The following NUBPL variants were observed in gnomAD, a reference collection of about 807,000 sequenced individuals.
NUBPL encodes iron-sulfur cluster transfer protein NUBPL.
A neutral mutation model predicts 45.7 loss-of-function variants in NUBPL; 31 were observed. That is an observed-to-expected ratio of 0.68 (90% CI 0.51 to 0.92). NUBPL has a LOEUF of 0.92. Among genes scored for constraint, NUBPL ranks in the 40% least tolerant of loss-of-function variants. The pLI is 0.00. For synonymous variants in NUBPL, 144 were observed against 140.9 expected (o/e 1.02, Z -0.15); for missense variants, 401 against 398.7 (o/e 1.01, Z -0.05).
chr14:31,616,497 G>GTT (rs72526360), intron 4 of NUBPL, among the ~76,000 whole-genome samples: 1,707 of 150,846 alleles, frequency 0.011, 23 homozygotes, highest in African/African-American at 0.037. Flanking sequence ...TGGCTAGCCA[G>GTT]TTTTTTTTTA....
chr14:31,820,023 C>A (rs1201672094), intron 7 of NUBPL, among the ~76,000 whole-genome samples: 1 of 151,558 alleles, frequency 6.6e-6, no homozygotes, highest in Non-Finnish European at 1.5e-5. Context: ...GCCTGTAGTC[C>A]CAGCTACTCA....
chr14:31,678,205 G>A (rs1205274415), intron 6 of NUBPL, among the ~76,000 whole-genome samples: 1 of 152,148 alleles, frequency 6.6e-6, no homozygotes, highest in Non-Finnish European at 1.5e-5. Flanking sequence ...AGGGCAGTGG[G>A]CTCCCCTCTG....
At chr14:31,732,385 CTGTCAAAGA>C (rs530852065) in intron 6 of NUBPL, among the ~76,000 whole-genome samples, 303 of 151,970 alleles carry the variant, frequency 2.0e-3, no homozygotes, top group African/African-American at 6.7e-3. Context: ...TTTTAATACA[CTGTCAAAGA>C]TTTATTGTGC....
At chr14:31,719,175 A>G (rs1177491579) in intron 6 of NUBPL, among the ~76,000 whole-genome samples, 1 of 152,190 alleles carries the variant, frequency 6.6e-6, no homozygotes, top group Non-Finnish European at 1.5e-5. Context: ...ATAGCTGGGA[A>G]CTGATTTGTT....
intron 6 of NUBPL, among the ~76,000 whole-genome samples, chr14:31,761,336 G>A (rs908450925): frequency 7.2e-5 from 11 of 151,936 alleles, no homozygotes; most frequent in East Asian, 3.9e-4. Context: ...CACCATGCGC[G>A]GCTAATTTTC....
chr14:31,856,212 G>A lies in NUBPL; in HGVS notation c.898-2906G>A, dbSNP rs570145926. On this transcript the variant is annotated intron_variant, in intron 10 of 10. Transcript: ENST00000281081. Reference sequence around the variant, plus strand: ...TCATGTCTTACATGGATGGCGGCAGGCAAAAAGAGAGCTTGTGCAAGTAGA... The same window carrying A: ...TCATGTCTTACATGGATGGCGGCAGACAAAAAGAGAGCTTGTGCAAGTAGA... 1.0e-3 allele frequency among the ~76,000 whole-genome samples: 157 copies of A among 152,190 alleles called. 1 individual carries two copies. The highest frequency in any genetic ancestry group is 1.9e-3 in the Non-Finnish European group (126 of 67,996).
At chr14:31,850,603 A>G (rs1326577915) in intron 10 of NUBPL, among the ~76,000 whole-genome samples, 3 of 146,758 alleles carry the variant, frequency 2.0e-5, no homozygotes, top group Non-Finnish European at 3.0e-5. Flanking sequence ...TGTGTAAACC[A>G]TTAGAGGTGG....
chr14:31,750,442 C>A (rs973992971), intron 6 of NUBPL, among the ~76,000 whole-genome samples: 1 of 151,262 alleles, frequency 6.6e-6, no homozygotes, highest in African/African-American at 2.4e-5. Context: ...CGTGATCCTC[C>A]CGCCTCGGCC....
intron 3 of NUBPL, among the ~76,000 whole-genome samples, chr14:31,593,239 A>T (rs2034189968): frequency 6.6e-6 from 1 of 152,010 alleles, no homozygotes; most frequent in Non-Finnish European, 1.5e-5. Flanking sequence ...ATTGGCCGGG[A>T]GCGGTGGCTC....
At chr14:31,604,468 C>T (rs1333929688) in intron 4 of NUBPL, among the ~76,000 whole-genome samples, 2 of 152,230 alleles carry the variant, frequency 1.3e-5, no homozygotes, top group East Asian at 1.9e-4. Flanking sequence ...GGCTTGTTTC[C>T]AGCAGTTCAG....
chr14:31,609,871 A>G (rs1215177596), intron 4 of NUBPL, among the ~76,000 whole-genome samples: 3 of 152,206 alleles, frequency 2.0e-5, no homozygotes, highest in African/African-American at 7.2e-5. Context: ...CTTGAAAAAA[A>G]TGATAATGGA....
intron 4 of NUBPL, among the ~76,000 whole-genome samples, chr14:31,645,409 TCTTTGTCTCTTCAGCCA>T (rs1435232685): frequency 6.6e-6 from 1 of 152,198 alleles, no homozygotes; most frequent in Non-Finnish European, 1.5e-5. Context: ...GGGTCTTATT[TCTTTGTCTCTTCAGCCA>T]CTTTGTCTTT....
At chr14:31,712,201 T>G (rs1053691787) in intron 6 of NUBPL, among the ~76,000 whole-genome samples, 2 of 152,218 alleles carry the variant, frequency 1.3e-5, no homozygotes, top group African/African-American at 4.8e-5. Context: ...GAGCACTGAT[T>G]GGTGCATTTA....
chr14:31,841,204 C>T (rs575453922), intron 8 of NUBPL, among the ~76,000 whole-genome samples: 1 of 152,266 alleles, frequency 6.6e-6, no homozygotes, highest in African/African-American at 2.4e-5. Flanking sequence ...TGATACATAA[C>T]TGGAAGTGGA....
At chr14:31,742,606 T>C (rs7144480) in intron 6 of NUBPL, among the ~76,000 whole-genome samples, 1 of 152,102 alleles carries the variant, frequency 6.6e-6, no homozygotes, top group African/African-American at 2.4e-5. Context: ...AGGTTATCTC[T>C]TTTATTTATT....
intron 6 of NUBPL, among the ~76,000 whole-genome samples, chr14:31,745,255 A>C (rs764624315): frequency 4.0e-5 from 6 of 151,718 alleles, no homozygotes; most frequent in African/African-American, 1.2e-4. Flanking sequence ...CCTGTGTCCA[A>C]ATGTTCTCAT....
chr14:31,676,292 G>A (rs142980485), intron 6 of NUBPL, among the ~76,000 whole-genome samples: 2,580 of 151,890 alleles, frequency 0.017, 42 homozygotes, highest in Non-Finnish European at 0.026. Context: ...CAAAGTGCTG[G>A]GATTACAGGC....
intron 3 of NUBPL, among the ~76,000 whole-genome samples, chr14:31,589,243 T>C (rs1041953480): frequency 6.6e-6 from 1 of 152,080 alleles, no homozygotes; most frequent in African/African-American, 2.4e-5. Flanking sequence ...CTTGATAATT[T>C]TTCTTAGTTT....
chr14:31,709,138 G>A (rs957196959), intron 6 of NUBPL, among the ~76,000 whole-genome samples: 1 of 152,106 alleles, frequency 6.6e-6, no homozygotes, highest in Non-Finnish European at 1.5e-5. Context: ...TTTGTTTAGG[G>A]CCCAGGGCTT....
Sources: gnomAD v4.1 joint callset for allele counts (sites outside exome capture counted in the v4.1 genomes callset) on GRCh38, gnomAD v4.1.1 for gene constraint, MANE v1.5 for transcripts, NCBI Gene and HGNC (gene_info 2026-07-23, HGNC 2026-07-21) for gene names.